Variants in FFAR4 observed in about 807,000 individuals in gnomAD.
FFAR4 encodes the protein free fatty acid receptor 4.
Under a neutral mutation model 27.0 loss-of-function variants are expected in FFAR4, and 19 were observed. The observed-to-expected ratio is 0.70, with a 90% CI of 0.49 to 1.03. The LOEUF (loss-of-function observed/expected upper bound fraction) is 1.03. Ranked by LOEUF, FFAR4 falls within the 50% of genes least tolerant of loss-of-function variation. The probability of loss-of-function intolerance (pLI) is 0.00; values close to 1 mark genes in which losing one functional copy is unlikely to be tolerated. For synonymous variants in FFAR4, 254 were observed against 215.6 expected (o/e 1.18, Z -1.56); for missense variants, 476 against 479.0 (o/e 0.99, Z 0.06).
At chr10:93,572,429 T>G (rs1295029009) in intron 1 of FFAR4, among the ~76,000 whole-genome samples, 1 of 151,648 alleles carries the variant, frequency 6.6e-6, no homozygotes, top group Non-Finnish European at 1.5e-5. Context: ...GTGTAGAGCC[T>G]GAGGTTCAGT....
intron 2 of FFAR4, 114 bp downstream of exon 2, chr10:93,576,333 T>C: frequency 9.8e-7 from 1 of 1,024,642 alleles, no homozygotes; most frequent in South Asian, 1.4e-5. Flanking sequence ...AGCTCAATCT[T>C]GATTCACTGC....
Position 93,575,971 on chromosome 10 carries a change from T to C in FFAR4, c.568-120T>C, listed in dbSNP as rs2058161240. ...GGAGGGATTCTGGGGTTCACTGTCA[T>C]GCTAGTTGTGTAACTGGGCAATGCA... On this transcript the variant is annotated intron_variant, in intron 1 of 2. Transcript: ENST00000371481. 38 of 937,908 alleles carry C rather than the reference T, an allele frequency of 4.1e-5. No homozygotes were observed. The South Asian group carries it at 5.8e-4, about 14-fold the overall frequency. The allele number at this position is 937,908 out of a possible 1,614,324, so 58.1% of individuals were successfully genotyped here.
At position 93,566,705 on chromosome 10, in the gene FFAR4, C is replaced by T. The variant is rs760326018; in HGVS notation, c.-16C>T. On this transcript the variant is annotated 5_prime_UTR_variant, in exon 1 of 3. Transcript: ENST00000371481. ...GAGCACTCTCTCAGACCGCTGCGGG[C>T]CGCCAGGCGCCGGGAATGTCCCCTG... 8.5e-6 allele frequency: 13 copies of T among 1,533,610 alleles called. No homozygotes were observed. The highest frequency in any genetic ancestry group is 1.2e-5 in the South Asian group (1 of 80,954).
Position 93,587,587 on chromosome 10 carries a change from A to G in FFAR4, c.1064A>G (p.Asp355Gly). Residue 355 changes from aspartate to glycine, a missense_variant, in exon 3 of 3, where the codon GAC (aspartate) becomes GGC (glycine). Asp to Gly is a moderately conservative substitution (Grantham distance 94). Coordinates refer to ENST00000371481, the MANE Select transcript of FFAR4 (RefSeq NM_001195755.2). ...ILTDTSVKRN[D>G]LSIISG ...ACAGACACATCTGTCAAAAGAAATG[A>G]CTTGTCGATTATTTCTGGCTAATTT... 6.2e-7 allele frequency: 1 copy of G among 1,612,482 alleles called. No homozygotes were observed. The highest frequency in any genetic ancestry group is 2.2e-5 in the East Asian group (1 of 44,864).
chr10:93,567,207 T>TG lies in FFAR4; in HGVS notation c.491dup (p.Tyr165LeufsTer149). ...GCGGGCAGTGCTGCTGGCGCTCATC[T>TG]GGGGCTATTCGGCGGTCGCCGCTCT... is the stretch of plus-strand genomic sequence containing the variant. On this transcript the variant is annotated frameshift_variant, in exon 1 of 3. Coordinates refer to ENST00000371481, the MANE Select transcript of FFAR4 (RefSeq NM_001195755.2). LOFTEE classifies it high-confidence loss of function. 6.2e-7 allele frequency: 1 copy of TG among 1,602,888 alleles called. No homozygotes were observed. The highest frequency in any genetic ancestry group is 1.1e-5 in the South Asian group (1 of 90,928).
rs2058097803 is a variant in FFAR4 at position 93,566,716 on chromosome 10, C to T, written c.-5C>T. 6.4e-7 allele frequency: 1 copy of T among 1,571,142 alleles called. No homozygotes were observed. The highest frequency in any genetic ancestry group is 8.6e-7 in the Non-Finnish European group (1 of 1,163,578). On this transcript the variant is annotated 5_prime_UTR_variant, in exon 1 of 3. Transcript: ENST00000371481. The stretch of plus-strand genomic sequence containing the variant: ...CAGACCGCTGCGGGCCGCCAGGCGC[C>T]GGGAATGTCCCCTGAATGCGCGCGG...
intron 2 of FFAR4, chr10:93,579,089 A>G (rs1244816979): frequency 7.0e-7 from 1 of 1,418,938 alleles, no homozygotes; most frequent in Non-Finnish European, 1.0e-6. Flanking sequence ...ACCCACCTCT[A>G]AACAGCAGTT....
Position 93,566,781 on chromosome 10 carries a change from A to G in FFAR4, c.61A>G (p.Asn21Asp). 1 of 1,608,816 alleles carries G rather than the reference A, an allele frequency of 6.2e-7. No individual in the cohort carries two copies. The highest frequency in any genetic ancestry group is 8.5e-7 in the Non-Finnish European group (1 of 1,179,186). Reference protein sequence around the residue: ...DAPLRSLEQANRTRFPFFSDV... With the variant: ...DAPLRSLEQADRTRFPFFSDV... ...GCCCTTGCGCAGCCTGGAGCAAGCC[A>G]ACCGCACCCGCTTTCCCTTCTTCTC... The change falls in exon 1 of 3, where the codon AAC (asparagine) becomes GAC (aspartate). Residue 21 changes from asparagine to aspartate, a missense_variant. Physicochemically the swap from Asn to Asp is conservative, Grantham distance 23. Transcript: ENST00000371481.
chr10:93,577,334 ACT>A (rs1306339274), intron 2 of FFAR4, among the ~76,000 whole-genome samples: 2 of 152,024 alleles, frequency 1.3e-5, no homozygotes, highest in Non-Finnish European at 2.9e-5. Flanking sequence ...GGGCCTGCTC[ACT>A]CTCTGGTCAC....
intron 1 of FFAR4, among the ~76,000 whole-genome samples, chr10:93,571,397 C>T (rs535074260): frequency 6.6e-6 from 1 of 152,314 alleles, no homozygotes; most frequent in South Asian, 2.1e-4. Context: ...TAGATTCTGG[C>T]CTAATTTGGT....
Position 93,587,382 on chromosome 10 carries a change from A to G in FFAR4, c.859A>G (p.Ile287Val), listed in dbSNP as rs1237717455. ...CCCCATCATCATCACCATCCTCCTC[A>G]TCCTGATCCAGAACTTCAAGCAAGA... ...WSPIIITILL[I>V]LIQNFKQDLV... The change falls in exon 3 of 3, where the codon ATC becomes GTC. Residue 287 changes from isoleucine (I) to valine (V), a missense_variant. Physicochemically the swap from Ile to Val is conservative, Grantham distance 29. Coordinates refer to ENST00000371481, the MANE Select transcript of FFAR4 (RefSeq NM_001195755.2). The G allele has an allele frequency of 6.2e-7, 1 of 1,612,474 alleles. No homozygotes were observed. Among genetic ancestry groups the G allele is most frequent in the African/African-American group, 1.3e-5 (1 of 74,324 alleles).
intron 2 of FFAR4, 79 bp downstream of exon 2, chr10:93,576,298 C>A: frequency 2.0e-6 from 3 of 1,474,452 alleles, no homozygotes; most frequent in South Asian, 1.2e-5. Flanking sequence ...AATTTGGGGT[C>A]GGAGAACACC....
At position 93,587,423 on chromosome 10, in the gene FFAR4, G is replaced by A. The variant is rs113451789; in HGVS notation, c.900G>A (p.Pro300=). ...TCAAGCAAGACCTGGTCATCTGGCCGTCCCTCTTCTTCTGGGTGGTGGCCT... is the reference window on the plus strand; with the variant it reads ...TCAAGCAAGACCTGGTCATCTGGCCATCCCTCTTCTTCTGGGTGGTGGCCT... ...QNFKQDLVIW[P]SLFFWVVAFT... is the part of the protein sequence containing the mutation. Residue 300 remains proline (P), a synonymous_variant, in exon 3 of 3, where the codon CCG becomes CCA. Coordinates refer to ENST00000371481, the MANE Select transcript of FFAR4 (RefSeq NM_001195755.2). The A allele has an allele frequency of 4.9e-5, 79 of 1,613,932 alleles. No homozygotes were observed. The Middle Eastern group carries it at 6.6e-4, about 13-fold the overall frequency.
Position 93,589,609 on chromosome 10 carries a change from G to C in FFAR4, c.*2000G>C, listed in dbSNP as rs190038293. 1.4e-5 allele frequency: 2 copies of C among 140,924 alleles called. No individual in the cohort carries two copies. The highest frequency in any genetic ancestry group is 2.5e-5 in the African/African-American group (1 of 39,606). The allele number at this position is 140,924 out of a possible 1,614,324, so 8.7% of individuals were successfully genotyped here. A position where few individuals can be genotyped will look rare whatever the true frequency, so the allele number is the denominator to read the frequency against. On this transcript the variant is annotated 3_prime_UTR_variant, in exon 3 of 3. Transcript: ENST00000371481. Reference sequence around the variant, plus strand: ...GGGGGCCTGGGCAAAGATTAGGGGGGGGGGAGCCAAGAGTTTCATTTGGAG... The same window carrying C: ...GGGGGCCTGGGCAAAGATTAGGGGGCGGGGAGCCAAGAGTTTCATTTGGAG...
chr10:93,579,339 G>T, intron 2 of FFAR4: 1 of 771,458 alleles, frequency 1.3e-6, no homozygotes, highest in Non-Finnish European at 2.2e-6. Context: ...CCTCCCTTGT[G>T]TCCACATTGG....
rs552779981 is a variant in FFAR4, at chr10:93,575,910, G to T, written c.568-181G>T. 3.5e-4 allele frequency among the ~76,000 whole-genome samples: 53 copies of T among 152,284 alleles called. 1 individual carries two copies. Among genetic ancestry groups the T allele is most frequent in the African/African-American group, 1.3e-3 (52 of 41,556 alleles). On this transcript the variant is annotated intron_variant, in intron 1 of 2. Coordinates refer to ENST00000371481, the MANE Select transcript of FFAR4 (RefSeq NM_001195755.2). ...ATCATGGCTATTCTGAGGGTCAGGG[G>T]CAAGTGCTTTGCAAGTGGGATTGTG...
intron 2 of FFAR4, among the ~76,000 whole-genome samples, chr10:93,580,425 TG>T (rs1388453948): frequency 6.6e-6 from 1 of 152,188 alleles, no homozygotes; most frequent in African/African-American, 2.4e-5. Flanking sequence ...GGTCTTCTAT[TG>T]CTCTAAAGCA....
chr10:93,570,188 TCACACA>T (rs76165485), intron 1 of FFAR4, among the ~76,000 whole-genome samples: 2 of 148,658 alleles, frequency 1.3e-5, no homozygotes, highest in South Asian at 2.2e-4. Flanking sequence ...TCTGTCTCTC[TCACACA>T]CACACACACA....
In FFAR4 at chr10:93,589,770, T is replaced by A. The variant is rs2058251787; in HGVS notation, c.*2161T>A. 1 of 152,142 alleles carries A rather than the reference T, an allele frequency of 6.6e-6. No homozygotes were observed. The allele number at this position is 152,142 out of a possible 1,614,324, so 9.4% of individuals were successfully genotyped here. Reference sequence around the variant, plus strand: ...TATAGACCTATGGTTTTATAATACATCCCTTGGAGAGATAGAGAGAAACCA... The same window carrying A: ...TATAGACCTATGGTTTTATAATACAACCCTTGGAGAGATAGAGAGAAACCA... On this transcript the variant is annotated 3_prime_UTR_variant, in exon 3 of 3. Transcript: ENST00000371481.
Sources: gnomAD v4.1 joint callset for allele counts (sites outside exome capture counted in the v4.1 genomes callset) on GRCh38, gnomAD v4.1.1 for gene constraint, MANE v1.5 for transcripts, NCBI Gene and HGNC (gene_info 2026-07-23, HGNC 2026-07-21) for gene names.